TRIP13: variants seen among roughly 807,000 people sequenced by gnomAD.
The protein encoded by TRIP13 is pachytene checkpoint protein 2 homolog.
In TRIP13, 25 loss-of-function variants were observed where a neutral mutation model predicts 54.4. The ratio of observed to expected loss-of-function variants is 0.46; its 90% CI spans 0.33 to 0.64. The LOEUF (loss-of-function observed/expected upper bound fraction) is 0.64, where lower values mean the gene tolerates loss of function less well. Among genes scored for constraint, TRIP13 ranks in the 30% least tolerant of loss-of-function variants. The pLI is 0.02. For synonymous variants in TRIP13, 207 were observed against 207.8 expected (o/e 1.00, Z 0.03); for missense variants, 373 against 534.2 (o/e 0.70, Z 2.97).
chr5:894,502 C>CT (rs1360812064), intron 1 of TRIP13, among the ~76,000 whole-genome samples: 1 of 152,188 alleles, frequency 6.6e-6, no homozygotes, highest in Non-Finnish European at 1.5e-5. Context: ...GTCCTAAACA[C>CT]TTTGAGTGTA....
At chr5:894,164 G>A (rs1453079968) in intron 1 of TRIP13, among the ~76,000 whole-genome samples, 1 of 152,156 alleles carries the variant, frequency 6.6e-6, no homozygotes, top group Non-Finnish European at 1.5e-5. Flanking sequence ...GTCCAGGAGG[G>A]CTCAGAGGGA....
chr5:892,985 C>T lies in TRIP13; in HGVS notation c.-14C>T, dbSNP rs1254393962. The T allele has an allele frequency of 6.4e-7, 1 of 1,559,286 alleles. No individual in the cohort carries two copies. The highest frequency in any genetic ancestry group is 8.6e-7 in the Non-Finnish European group (1 of 1,157,746). On this transcript the variant is annotated 5_prime_UTR_variant, in exon 1 of 13. Transcript: ENST00000166345. Reference sequence around the variant, plus strand: ...CCGCGCCCTGGTTGGGTCCCCACTGCTCTCGGGGGCGCCATGGACGAGGCC... The same window carrying T: ...CCGCGCCCTGGTTGGGTCCCCACTGTTCTCGGGGGCGCCATGGACGAGGCC...
intron 5 of TRIP13, among the ~76,000 whole-genome samples, chr5:902,412 A>G (rs956261227): frequency 3.9e-5 from 6 of 152,250 alleles, no homozygotes; most frequent in Non-Finnish European, 5.9e-5. Flanking sequence ...AGTCAGAGTA[A>G]GCAGCAGGTG....
chr5:901,974 C>T lies in TRIP13; in HGVS notation c.535+543C>T, dbSNP rs1043294345. 5.9e-5 allele frequency among the ~76,000 whole-genome samples: 9 copies of T among 152,332 alleles called. 1 individual carries two copies. The highest frequency in any genetic ancestry group is 3.3e-4 in the Admixed American group (5 of 15,296). ...AATCAAGTCTTCCTGTGGGGGGCCACATTCCAAGACATCCTCAGATGCCCC... is the reference window on the plus strand; with the variant it reads ...AATCAAGTCTTCCTGTGGGGGGCCATATTCCAAGACATCCTCAGATGCCCC... On this transcript the variant is annotated intron_variant, in intron 5 of 12. Transcript: ENST00000166345.
chr5:904,791 AGTT>A (rs1754079770), intron 6 of TRIP13, among the ~76,000 whole-genome samples: 1 of 152,038 alleles, frequency 6.6e-6, no homozygotes, highest in Admixed American at 6.5e-5. Context: ...CATTCAGTGA[AGTT>A]GTTATGTCTG....
intron 12 of TRIP13, 105 bp from the exon 13 acceptor site, chr5:916,903 C>G (rs1015975105): frequency 1.1e-6 from 1 of 897,230 alleles, no homozygotes; most frequent in Non-Finnish European, 1.7e-6. Context: ...GCTACCACCC[C>G]CTTCTGTGCT....
At chr5:902,587 G>A (rs72703176) in intron 5 of TRIP13, among the ~76,000 whole-genome samples, 6,376 of 152,224 alleles carry the variant, frequency 0.042, 156 homozygotes, top group Non-Finnish European at 0.049. Flanking sequence ...GGCATCTTTT[G>A]TAGGGTCCAG....
At chr5:904,857 A>T (rs80093346) in intron 6 of TRIP13, among the ~76,000 whole-genome samples, 2,566 of 151,992 alleles carry the variant, frequency 0.017, 65 homozygotes, top group African/African-American at 0.059. Flanking sequence ...CTGTTTTTTC[A>T]TTATGTTCTC....
rs1242323538 is a variant in TRIP13, at chr5:913,442, G to A, written c.1021-1023G>A. On this transcript the variant is annotated intron_variant, in intron 10 of 12. Coordinates refer to ENST00000166345, the MANE Select transcript of TRIP13 (RefSeq NM_004237.4). The surrounding 1 kb of genome is among the most constrained non-coding windows in gnomAD (Gnocchi z 4.5). ...GCCATCGCAGCTCACTGCAACCTCC[G>A]CCTCCTGGGTTCAAGCGATTCTCGT... 2.6e-5 allele frequency among the ~76,000 whole-genome samples: 4 copies of A among 152,124 alleles called. No individual in the cohort carries two copies. Among genetic ancestry groups the A allele is most frequent in the South Asian group, 2.1e-4 (1 of 4,820 alleles).
rs1381923121 is a variant in TRIP13 at position 915,212 on chromosome 5, T to A, written c.1133+635T>A. ...TATCTGTTGAAGAGATTTAAATCAG[T>A]TAAGATGGGAACGAAGAACAGTTCA... On this transcript the variant is annotated intron_variant, in intron 11 of 12. Coordinates refer to ENST00000166345, the MANE Select transcript of TRIP13 (RefSeq NM_004237.4). This position sits in a 1 kb window ranked among gnomAD's most constrained non-coding sequence, Gnocchi z 4.2. Among the ~76,000 whole-genome samples, 2 of 152,254 alleles carry A rather than the reference T, an allele frequency of 1.3e-5. No homozygotes were observed. Among genetic ancestry groups the A allele is most frequent in the African/African-American group, 4.8e-5 (2 of 41,472 alleles).
intron 6 of TRIP13, among the ~76,000 whole-genome samples, chr5:904,573 T>C (rs1040555236): frequency 5.9e-5 from 9 of 152,206 alleles, no homozygotes; most frequent in African/African-American, 2.2e-4. Flanking sequence ...TACCTGGTCA[T>C]TGTTTCCTCA....
At chr5:918,661 T>C (rs1471147370), downstream of TRIP13, among the ~76,000 whole-genome samples, 2 of 152,182 alleles carry the variant, frequency 1.3e-5, no homozygotes, top group Non-Finnish European at 2.9e-5. The surrounding 1 kb of genome is among the most constrained non-coding windows in gnomAD (Gnocchi z 4.3). Context: ...TTAACTCACA[T>C]GATCACAAGG....
Position 915,164 on chromosome 5 carries a change from T to C in TRIP13, c.1133+587T>C, listed in dbSNP as rs932511558. Among the ~76,000 whole-genome samples, 1 of 152,232 alleles carries C rather than the reference T, an allele frequency of 6.6e-6. No homozygotes were observed. Among genetic ancestry groups the C allele is most frequent in the Non-Finnish European group, 1.5e-5 (1 of 68,042 alleles). ...TAAACAAGGGATAACATGAAGAATG[T>C]AGTATTTTTTAAGGATTTGGATTAT... On this transcript the variant is annotated intron_variant, in intron 11 of 12. Coordinates refer to ENST00000166345, the MANE Select transcript of TRIP13 (RefSeq NM_004237.4). This position sits in a 1 kb window ranked among gnomAD's most constrained non-coding sequence, Gnocchi z 4.2.
chr5:896,447 A>G (rs1560943980), intron 2 of TRIP13, among the ~76,000 whole-genome samples: 1 of 152,236 alleles, frequency 6.6e-6, no homozygotes, highest in Non-Finnish European at 1.5e-5. Flanking sequence ...TTCTGTAAGT[A>G]AATGTAGGGC....
chr5:900,640 C>A, intron 4 of TRIP13, 91 bp downstream of exon 4: 1 of 1,427,070 alleles, frequency 7.0e-7, no homozygotes, highest in South Asian at 1.3e-5. Context: ...CAACTTGATG[C>A]AGATGGGTTT....
At position 911,819 on chromosome 5, in the gene TRIP13, G is replaced by A; in HGVS notation, c.867-24G>A. ...GTCACCGACAGCCGTGATGACTGTG[G>A]TGCTTGCTTCTCGGCCACAACAGGC... On this transcript the variant is annotated intron_variant, in intron 9 of 12. Transcript: ENST00000166345. This position sits in a 1 kb window ranked among gnomAD's most constrained non-coding sequence, Gnocchi z 4.7. 1 of 1,601,758 alleles carries A rather than the reference G, an allele frequency of 6.2e-7. No individual in the cohort carries two copies. Among genetic ancestry groups the A allele is most frequent in the Non-Finnish European group, 8.5e-7 (1 of 1,174,076 alleles).
chr5:894,379 G>A (rs188549295), intron 1 of TRIP13, among the ~76,000 whole-genome samples: 2 of 152,190 alleles, frequency 1.3e-5, no homozygotes, highest in African/African-American at 2.4e-5. Context: ...CACGAATCAC[G>A]GCTATTGGAG....
rs569341911 is a variant in TRIP13, at chr5:917,296, T to C, written c.*193T>C. On this transcript the variant is annotated 3_prime_UTR_variant, in exon 13 of 13. Transcript: ENST00000166345. ...ATTTATGTTGTTTTAAAATGCATACTGAGAGACAAACATCTTGTCATTTTC... is the reference window on the plus strand; with the variant it reads ...ATTTATGTTGTTTTAAAATGCATACCGAGAGACAAACATCTTGTCATTTTC... The C allele has an allele frequency of 3.9e-5, 20 of 518,778 alleles. No individual in the cohort carries two copies. In the East Asian group the frequency reaches 5.9e-4, roughly 15 times the overall value. The allele number at this position is 518,778 out of a possible 1,614,324, so 32.1% of individuals were successfully genotyped here.
intron 5 of TRIP13, 89 bp downstream of exon 5, chr5:901,520 C>A: frequency 1.5e-6 from 2 of 1,299,594 alleles, no homozygotes; most frequent in Non-Finnish European, 2.2e-6. Context: ...GGAGTTACGG[C>A]TCTTTGTTTT....
Sources: allele counts gnomAD v4.1 joint callset (sites outside exome capture counted in the v4.1 genomes callset), GRCh38; gene constraint gnomAD v4.1.1; non-coding constraint Gnocchi (gnomAD v3.1); transcripts MANE v1.5; gene names NCBI Gene and HGNC (gene_info 2026-07-23, HGNC 2026-07-21).